Variants in SLC35D2 observed in about 807,000 individuals in gnomAD.
SLC35D2 encodes nucleotide sugar transporter SLC35D2.
SLC35D2 carries 43 observed loss-of-function variants against 41.8 expected under a neutral mutation model. The observed-to-expected ratio is 1.03, with a 90% CI of 0.81 to 1.33. SLC35D2 has a LOEUF of 1.33. Among genes scored for constraint, SLC35D2 ranks in the 40% most tolerant of loss-of-function variants. SLC35D2 has a pLI of 0.00. For synonymous variants in SLC35D2, 150 were observed against 163.9 expected (o/e 0.92, Z 0.65); for missense variants, 380 against 408.4 (o/e 0.93, Z 0.60).
chr9:96,354,118 G>A (rs1025123563), intron 4 of SLC35D2, among the ~76,000 whole-genome samples: 1 of 152,154 alleles, frequency 6.6e-6, no homozygotes, highest in Non-Finnish European at 1.5e-5. Context: ...AATTGCATTC[G>A]AAAAGTATTC....
At chr9:96,381,078 A>G (rs914575771) in intron 1 of SLC35D2, among the ~76,000 whole-genome samples, 2 of 152,218 alleles carry the variant, frequency 1.3e-5, no homozygotes, top group Admixed American at 6.5e-5. Flanking sequence ...CCCTGATGCC[A>G]GTACTGTCAG....
intron 9 of SLC35D2, among the ~76,000 whole-genome samples, chr9:96,333,883 T>C (rs918415155): frequency 2.6e-5 from 4 of 152,202 alleles, no homozygotes; most frequent in Admixed American, 1.3e-4. Context: ...AATATGGGCT[T>C]AGCCAGGGAA....
At chr9:96,325,234 T>C (rs1047306937) in intron 9 of SLC35D2, among the ~76,000 whole-genome samples, 3 of 152,112 alleles carry the variant, frequency 2.0e-5, no homozygotes, top group Non-Finnish European at 2.9e-5. Flanking sequence ...AGAAGCGAGC[T>C]AATTCCAGTC....
In SLC35D2 at chr9:96,321,208, T is replaced by C. The variant is rs1419357797; in HGVS notation, c.*34A>G. On this transcript the variant is annotated 3_prime_UTR_variant, in exon 12 of 12. Transcript: ENST00000253270. ...CTGGGAATGCCCCCCCAGCCCGCAG[T>C]CACAAGTCAGTCTCCAATCCTGCTG... 4 of 1,523,696 alleles carry C rather than the reference T, an allele frequency of 2.6e-6. No individual in the cohort carries two copies. 94.4% of individuals were successfully genotyped at this position (1,523,696 alleles called of 1,614,324 possible).
chr9:96,344,221 T>G (rs1041327429), intron 7 of SLC35D2, among the ~76,000 whole-genome samples: 1 of 152,034 alleles, frequency 6.6e-6, no homozygotes, highest in Admixed American at 6.6e-5. Context: ...AGAAAACGCA[T>G]GGCAGTGGGA....
chr9:96,351,741 T>C (rs919127882), intron 5 of SLC35D2, among the ~76,000 whole-genome samples: 27 of 152,180 alleles, frequency 1.8e-4, no homozygotes, highest in African/African-American at 6.0e-4. Flanking sequence ...TATTCCAAAA[T>C]TGGTTTATAT....
chr9:96,373,255 C>T (rs1393113541), intron 1 of SLC35D2, among the ~76,000 whole-genome samples: 3 of 152,226 alleles, frequency 2.0e-5, no homozygotes, highest in Non-Finnish European at 2.9e-5. Flanking sequence ...ACCAAGTAGC[C>T]ATAAAATGCC....
chr9:96,359,501 C>G (rs914837700), intron 4 of SLC35D2, among the ~76,000 whole-genome samples: 2 of 151,578 alleles, frequency 1.3e-5, no homozygotes, highest in African/African-American at 2.4e-5. Context: ...ACAAGCCTGG[C>G]CAACATGGTG....
chr9:96,353,227 T>C (rs1056616488), intron 4 of SLC35D2, among the ~76,000 whole-genome samples: 16 of 152,048 alleles, frequency 1.1e-4, no homozygotes, highest in African/African-American at 3.6e-4. Flanking sequence ...ATACTATAAC[T>C]CTGTAATACA....
intron 9 of SLC35D2, among the ~76,000 whole-genome samples, chr9:96,333,867 C>T (rs1828927256): frequency 6.6e-6 from 1 of 152,156 alleles, no homozygotes; most frequent in African/African-American, 2.4e-5. Context: ...CTCCTGTTCA[C>T]AGAGGAATAT....
intron 9 of SLC35D2, among the ~76,000 whole-genome samples, chr9:96,329,935 G>C (rs1183110425): frequency 1.3e-5 from 2 of 152,212 alleles, no homozygotes; most frequent in African/African-American, 2.4e-5. Flanking sequence ...CACAATTATG[G>C]AGGCTAAAAA....
At chr9:96,340,345 G>A (rs150346867) in intron 8 of SLC35D2, among the ~76,000 whole-genome samples, 2 of 152,100 alleles carry the variant, frequency 1.3e-5, no homozygotes, top group Non-Finnish European at 2.9e-5. Flanking sequence ...TTGGCTGGGC[G>A]CAGTGGCTCA....
chr9:96,378,000 C>T (rs897014931), intron 1 of SLC35D2, among the ~76,000 whole-genome samples: 1 of 152,148 alleles, frequency 6.6e-6, no homozygotes, highest in African/African-American at 2.4e-5. Context: ...GTCAGGTTTT[C>T]ATTAAAGTAA....
chr9:96,371,875 C>G (rs924962920), intron 1 of SLC35D2, among the ~76,000 whole-genome samples: 2 of 150,356 alleles, frequency 1.3e-5, no homozygotes, highest in Non-Finnish European at 3.0e-5. Flanking sequence ...TACAGGCGCC[C>G]GCCACTACGC....
At chr9:96,369,047 G>A (rs1830583843) in intron 1 of SLC35D2, among the ~76,000 whole-genome samples, 1 of 152,054 alleles carries the variant, frequency 6.6e-6, no homozygotes, top group African/African-American at 2.4e-5. Context: ...TTATAGGCGG[G>A]AGCCACTGTG....
intron 9 of SLC35D2, among the ~76,000 whole-genome samples, chr9:96,331,175 G>A (rs2130861596): frequency 6.6e-6 from 1 of 152,304 alleles, no homozygotes; most frequent in Middle Eastern, 3.4e-3. Context: ...TGGGATTACA[G>A]GCTTGAGCCA....
intron 3 of SLC35D2, among the ~76,000 whole-genome samples, chr9:96,361,062 A>G (rs2130976185): frequency 6.6e-6 from 1 of 152,202 alleles, no homozygotes; most frequent in Admixed American, 6.6e-5. Flanking sequence ...CAAATTTAAA[A>G]TGACTCACAT....
At chr9:96,328,999 A>G (rs80240465) in intron 9 of SLC35D2, among the ~76,000 whole-genome samples, 20,123 of 151,474 alleles carry the variant, frequency 0.13, 1,790 homozygotes, top group East Asian at 0.28. Context: ...GAGGCAGGAG[A>G]ATCGCTTGAA....
rs113190995 is a variant in SLC35D2, at chr9:96,340,575, A to G, written c.684+3329T>C. On this transcript the variant is annotated intron_variant, in intron 8 of 11. Transcript: ENST00000253270. ...GCGGAGGTTGCAGTGAGTCGAGATC[A>G]TGCCATTGCACTCTAGCCTGGGCAA... Among the ~76,000 whole-genome samples the G allele has an allele frequency of 2.7e-3, 351 of 130,174 alleles. 2 individuals are homozygous for G. The highest frequency in any genetic ancestry group is 9.5e-3 in the African/African-American group (327 of 34,410). 85.4% of individuals were successfully genotyped at this position (130,174 alleles called of 152,430 possible).
Sources: gnomAD v4.1 joint callset for allele counts (sites outside exome capture counted in the v4.1 genomes callset) on GRCh38, gnomAD v4.1.1 for gene constraint, MANE v1.5 for transcripts, NCBI Gene and HGNC (gene_info 2026-07-23, HGNC 2026-07-21) for gene names.